Variants in CYP19A1 observed in about 807,000 individuals in gnomAD.
CYP19A1 encodes cytochrome P450 family 19 subfamily A member 1.
A neutral mutation model predicts 44.4 loss-of-function variants in CYP19A1; 32 were observed. The observed-to-expected ratio is 0.72, with a 90% CI of 0.54 to 0.97. The LOEUF (loss-of-function observed/expected upper bound fraction) is 0.97, where lower values mean the gene tolerates loss of function less well. CYP19A1 is among the 50% of genes least tolerant of loss of function. The pLI, the probability that CYP19A1 is intolerant of heterozygous loss-of-function variation, is 0.00. For missense variants in CYP19A1, 598 were observed against 637.8 expected (o/e 0.94, Z 0.67); for synonymous variants, 212 against 215.6 (o/e 0.98, Z 0.14).
At chr15:51,279,123 C>T in intron 1 of CYP19A1, 1 of 152,252 alleles carries the variant, frequency 6.6e-6, no homozygotes, top group East Asian at 1.9e-4. Flanking sequence ...CTCTGTGACT[C>T]TGTCCTGGGT....
At chr15:51,264,096 C>CA (rs1566902004) in intron 1 of CYP19A1, among the ~76,000 whole-genome samples, 3 of 152,090 alleles carry the variant, frequency 2.0e-5, no homozygotes, top group Non-Finnish European at 4.4e-5. Context: ...TGGACATAGG[C>CA]AAAGTGGAGG....
intron 1 of CYP19A1, among the ~76,000 whole-genome samples, chr15:51,252,067 C>T (rs891779590): frequency 3.9e-5 from 6 of 152,170 alleles, no homozygotes; most frequent in Non-Finnish European, 7.3e-5. Flanking sequence ...TTTTCTTCCA[C>T]GTTGTCTTAG....
chr15:51,299,320 G>A (rs2036065136), intron 1 of CYP19A1, among the ~76,000 whole-genome samples: 1 of 152,192 alleles, frequency 6.6e-6, no homozygotes, highest in Non-Finnish European at 1.5e-5. Context: ...TTGGCCTTCT[G>A]GTCCTGAAGT....
chr15:51,277,491 T>G (rs547277106), intron 1 of CYP19A1: 5 of 152,354 alleles, frequency 3.3e-5, no homozygotes, highest in African/African-American at 1.2e-4. Context: ...AAACCAGTCC[T>G]TGAACACTTG....
chr15:51,324,415 C>A (rs1412607865), intron 1 of CYP19A1, among the ~76,000 whole-genome samples: 2 of 152,110 alleles, frequency 1.3e-5, no homozygotes, highest in African/African-American at 4.8e-5. Context: ...TAAAACAAAG[C>A]CGATTTATAG....
Position 51,261,850 on chromosome 15 carries a change from T to C in CYP19A1, c.-38-18900A>G, listed in dbSNP as rs116677707. Among the ~76,000 whole-genome samples, 583 of 152,270 alleles carry C rather than the reference T, an allele frequency of 3.8e-3. 2 individuals are homozygous for C. Among genetic ancestry groups the C allele is most frequent in the African/African-American group, 0.013 (560 of 41,568 alleles). On this transcript the variant is annotated intron_variant, in intron 1 of 9. Transcript: ENST00000396402. ...TTGGAGAGGCCGATGGGTGAAGCAG[T>C]AGAGTCTTCAGGTTCTGGGCCACTT...
intron 1 of CYP19A1, among the ~76,000 whole-genome samples, chr15:51,325,950 A>C (rs990766576): frequency 1.3e-5 from 2 of 152,118 alleles, no homozygotes; most frequent in Admixed American, 6.5e-5. Context: ...ATTAGCGTAC[A>C]ATTAGGCAAA....
chr15:51,221,226 AAAT>A (rs1445916125), intron 5 of CYP19A1, among the ~76,000 whole-genome samples: 5 of 152,204 alleles, frequency 3.3e-5, no homozygotes. Context: ...ATTTAGTGGT[AAAT>A]AATGTTCTAA....
Position 51,215,831 on chromosome 15 carries a change from C to A in CYP19A1, c.744-14G>T. ...TTCAAATCCTTGCTGGAAAAAAAGT[C>A]AAAATATTGTCTATTTTTACTCAGT... On this transcript the variant is annotated splice_polypyrimidine_tract_variant and intron_variant, in intron 6 of 9. Transcript: ENST00000396402. 6.2e-7 allele frequency: 1 copy of A among 1,613,096 alleles called. No individual in the cohort carries two copies. Among genetic ancestry groups the A allele is most frequent in the South Asian group, 1.1e-5 (1 of 91,058 alleles).
intron 2 of CYP19A1, among the ~76,000 whole-genome samples, chr15:51,239,405 C>G (rs990293133): frequency 2.6e-5 from 4 of 152,174 alleles, no homozygotes; most frequent in Non-Finnish European, 5.9e-5. Context: ...TGTCCCTCAA[C>G]AGTGGAACTG....
chr15:51,334,005 T>C (rs1415627578), intron 1 of CYP19A1, among the ~76,000 whole-genome samples: 1 of 152,216 alleles, frequency 6.6e-6, no homozygotes, highest in African/African-American at 2.4e-5. Context: ...TCTTACATCA[T>C]TGATCTCTTA....
At chr15:51,329,935 A>G (rs1174571735) in intron 1 of CYP19A1, among the ~76,000 whole-genome samples, 2 of 152,214 alleles carry the variant, frequency 1.3e-5, no homozygotes, top group African/African-American at 4.8e-5. Flanking sequence ...GTGGGAGCAC[A>G]CAGTCGGAGC....
chr15:51,222,241 A>T, intron 5 of CYP19A1, 108 bp downstream of exon 5: 1 of 1,582,776 alleles, frequency 6.3e-7, no homozygotes, highest in Non-Finnish European at 8.6e-7. Flanking sequence ...ATGTTTAAAC[A>T]AGAGCAATGT....
intron 1 of CYP19A1, among the ~76,000 whole-genome samples, chr15:51,273,430 A>C (rs1490184156): frequency 2.0e-5 from 3 of 152,200 alleles, no homozygotes; most frequent in Non-Finnish European, 4.4e-5. Context: ...AATAACTTTC[A>C]TAGTTTTGGA....
Position 51,215,115 on chromosome 15 carries a change from G to A in CYP19A1, c.976C>T (p.Pro326Ser), listed in dbSNP as rs368902124. 1.5e-4 allele frequency: 240 copies of A among 1,613,928 alleles called. 2 individuals are homozygous for A. In the South Asian group the frequency reaches 2.1e-3, roughly 14 times the overall value. ...FFMLFLIAKH[P>S]NVEEAIIKEI... ...TTTATTATTGCCTCTTCAACATTAG[G>A]GTGCTTTGCAATGAGAAATAGCATG... is the stretch of plus-strand genomic sequence containing the variant. The change falls in exon 8 of 10, where the codon CCT becomes TCT. Residue 326 changes from proline to serine, a missense_variant. Pro to Ser is a moderately conservative substitution (Grantham distance 74). Coordinates refer to ENST00000396402, the MANE Select transcript of CYP19A1 (RefSeq NM_000103.4).
At chr15:51,228,434 T>C (rs1254182213) in intron 3 of CYP19A1, among the ~76,000 whole-genome samples, 1 of 152,246 alleles carries the variant, frequency 6.6e-6, no homozygotes, top group Non-Finnish European at 1.5e-5. Context: ...TTTTGCCTAG[T>C]ACCACCCAAC....
chr15:51,306,614 T>C (rs1001493986), intron 1 of CYP19A1, among the ~76,000 whole-genome samples: 4 of 152,250 alleles, frequency 2.6e-5, no homozygotes, highest in African/African-American at 9.6e-5. Context: ...ATGACAAAGT[T>C]ATCTTTATGA....
At chr15:51,308,374 G>A (rs894130436) in intron 1 of CYP19A1, among the ~76,000 whole-genome samples, 2 of 152,184 alleles carry the variant, frequency 1.3e-5, no homozygotes, top group Admixed American at 1.3e-4. Context: ...AATAATCCCT[G>A]CCTTCTCTTG....
At chr15:51,230,851 A>G (rs1171040375) in intron 3 of CYP19A1, among the ~76,000 whole-genome samples, 2 of 152,012 alleles carry the variant, frequency 1.3e-5, no homozygotes, top group Non-Finnish European at 2.9e-5. Context: ...CAAACTCTTG[A>G]CTTCAAGTAA....
Sources: gnomAD v4.1 joint callset for allele counts (sites outside exome capture counted in the v4.1 genomes callset) on GRCh38, gnomAD v4.1.1 for gene constraint, MANE v1.5 for transcripts, NCBI Gene and HGNC (gene_info 2026-07-23, HGNC 2026-07-21) for gene names.